The following C1orf185 variants were observed in gnomAD, a reference collection of about 807,000 sequenced individuals.
C1orf185 encodes the protein chromosome 1 open reading frame 185.
Under a neutral mutation model 16.1 loss-of-function variants are expected in C1orf185, and 13 were observed. The observed-to-expected ratio is 0.81, with a 90% CI of 0.53 to 1.28. The LOEUF (loss-of-function observed/expected upper bound fraction) is 1.28. C1orf185 is among the 50% of genes most tolerant of loss of function. The pLI is 0.00. For missense variants in C1orf185, 220 were observed against 225.2 expected, an observed-to-expected ratio of 0.98 and a Z score of 0.15; for synonymous variants, 80 against 76.9, an observed-to-expected ratio of 1.04 and a Z score of -0.21.
intron 3 of C1orf185, among the ~76,000 whole-genome samples, chr1:51,134,781 T>A (rs1000523837): frequency 6.6e-6 from 1 of 152,044 alleles, no homozygotes; most frequent in African/African-American, 2.4e-5. Context: ...GACACATACT[T>A]CCTAACACTG....
At chr1:51,118,254 A>G (rs1646171888) in intron 2 of C1orf185, among the ~76,000 whole-genome samples, 2 of 152,232 alleles carry the variant, frequency 1.3e-5, no homozygotes, top group South Asian at 4.1e-4. Context: ...ATTAAATACC[A>G]AAATTGACCA....
chr1:51,143,277 A>T (rs969567388), intron 3 of C1orf185, among the ~76,000 whole-genome samples: 1 of 152,200 alleles, frequency 6.6e-6, no homozygotes, highest in African/African-American at 2.4e-5. Context: ...GTAAATCTTA[A>T]CTAAACTGTA....
At chr1:51,141,311 C>G (rs12071547) in intron 3 of C1orf185, among the ~76,000 whole-genome samples, 21,067 of 151,996 alleles carry the variant, frequency 0.14, 2,827 homozygotes, top group African/African-American at 0.35. Context: ...GCAACACAGA[C>G]AGACCCTGTC....
intron 2 of C1orf185, among the ~76,000 whole-genome samples, chr1:51,113,103 G>A (rs1291416837): frequency 2.0e-5 from 3 of 151,932 alleles, no homozygotes; most frequent in Admixed American, 6.6e-5. Flanking sequence ...ACAGGCATGA[G>A]CCACCACACC....
In C1orf185 at chr1:51,127,154, T is replaced by C. The variant is rs191092083; in HGVS notation, c.258+8353T>C. On this transcript the variant is annotated intron_variant, in intron 3 of 4. Coordinates refer to ENST00000371759, the MANE Select transcript of C1orf185 (RefSeq NM_001136508.2). ...TTTAGATATTCCACTTAATGAACATTGACAGCTGTATATACATTCAACCAA... is the reference window on the plus strand; with the variant it reads ...TTTAGATATTCCACTTAATGAACATCGACAGCTGTATATACATTCAACCAA... Among the ~76,000 whole-genome samples, 546 of 152,322 alleles carry C rather than the reference T, an allele frequency of 3.6e-3. 1 individual carries two copies. Among genetic ancestry groups the C allele is most frequent in the Non-Finnish European group, 4.4e-3 (300 of 68,036 alleles).
chr1:51,133,430 A>C (rs1646300051), intron 3 of C1orf185, among the ~76,000 whole-genome samples: 2 of 152,246 alleles, frequency 1.3e-5, no homozygotes, highest in Non-Finnish European at 1.5e-5. Flanking sequence ...ACAGACTTCA[A>C]ACCAGCAAAG....
chr1:51,126,702 T>G (rs1204117759), intron 3 of C1orf185, among the ~76,000 whole-genome samples: 1 of 152,236 alleles, frequency 6.6e-6, no homozygotes. Flanking sequence ...TTTCCTCCAG[T>G]GCTAAAATCT....
At chr1:51,149,419 C>T (rs77334574), downstream of C1orf185, among the ~76,000 whole-genome samples, 3,285 of 152,232 alleles carry the variant, frequency 0.022, 99 homozygotes, top group African/African-American at 0.074. Context: ...TTTTACACAG[C>T]GTGCTATGGG....
intron 3 of C1orf185, among the ~76,000 whole-genome samples, chr1:51,123,995 G>A (rs1323005484): frequency 4.6e-5 from 7 of 150,786 alleles, no homozygotes; most frequent in Non-Finnish European, 8.8e-5. Flanking sequence ...GAGAGAGAGC[G>A]AGCAATAATC....
Position 51,112,468 on chromosome 1 carries a change from T to A in C1orf185, c.21T>A (p.Phe7Leu). ...TTTTGTAATTTGTTTGTATAGGTTT[T>A]TTTAATTACTTGACCTATTTTCTTG... MASPKGFFNYLTYFLAA... is the reference protein window; with the variant it reads MASPKGLFNYLTYFLAA... Residue 7 changes from phenylalanine to leucine, a missense_variant, in exon 2 of 5, where the codon TTT (phenylalanine) becomes TTA (leucine). Transcript: ENST00000371759. The A allele has an allele frequency of 6.5e-7, 1 of 1,541,780 alleles. No individual in the cohort carries two copies. The highest frequency in any genetic ancestry group is 8.7e-7 in the Non-Finnish European group (1 of 1,143,976).
chr1:51,124,211 T>C (rs987399426), intron 3 of C1orf185, among the ~76,000 whole-genome samples: 1 of 151,706 alleles, frequency 6.6e-6, no homozygotes, highest in Non-Finnish European at 1.5e-5. Flanking sequence ...CCTCCCAAGT[T>C]GCTGGGACTA....
At chr1:51,122,103 T>A (rs1237858477) in intron 3 of C1orf185, among the ~76,000 whole-genome samples, 1 of 152,188 alleles carries the variant, frequency 6.6e-6, no homozygotes, top group African/African-American at 2.4e-5. Context: ...GTAGCCATAG[T>A]TCATTGCTTT....
At chr1:51,123,960 C>A (rs1646217183) in intron 3 of C1orf185, among the ~76,000 whole-genome samples, 2 of 151,608 alleles carry the variant, frequency 1.3e-5, no homozygotes, top group African/African-American at 2.4e-5. Context: ...CACACACACA[C>A]ACACACATTA....
intron 1 of C1orf185, among the ~76,000 whole-genome samples, chr1:51,112,137 A>G (rs529289616): frequency 1.4e-5 from 2 of 147,704 alleles, no homozygotes; most frequent in African/African-American, 4.9e-5. Context: ...CGGGAGGGGA[A>G]AAAAAAAAAA....
intron 3 of C1orf185, among the ~76,000 whole-genome samples, chr1:51,128,032 C>T (rs897362259): frequency 1.4e-4 from 21 of 151,878 alleles, no homozygotes; most frequent in Admixed American, 5.2e-4. Flanking sequence ...GGACTATAGG[C>T]GCGTGCCACC....
At chr1:51,120,526 A>G (rs1419487606) in intron 3 of C1orf185, among the ~76,000 whole-genome samples, 1 of 152,212 alleles carries the variant, frequency 6.6e-6, no homozygotes, top group Non-Finnish European at 1.5e-5. Flanking sequence ...TTTTTACTGG[A>G]AGATTTTAAG....
intron 3 of C1orf185, among the ~76,000 whole-genome samples, chr1:51,124,088 T>G (rs971560125): frequency 2.0e-4 from 29 of 148,108 alleles, no homozygotes; most frequent in African/African-American, 4.2e-4. Context: ...TTTGTTTTTT[T>G]TTTTTTTTTT....
rs376636606 is a variant in C1orf185, at chr1:51,131,598, ACAT to A, written c.258+12802_258+12804del. ...AGACCAGCCTGGGCAACAAAGCAAG[ACAT>A]CATCTCTAGCAAAAAGAAAGAGAGA... On this transcript the variant is annotated intron_variant, in intron 3 of 4. Transcript: ENST00000371759. 3.6e-3 allele frequency among the ~76,000 whole-genome samples: 543 copies of A among 152,280 alleles called. 1 individual carries two copies. The highest frequency in any genetic ancestry group is 4.4e-3 in the Non-Finnish European group (299 of 68,020).
At chr1:51,125,317 T>C (rs962798607) in intron 3 of C1orf185, among the ~76,000 whole-genome samples, 1 of 152,224 alleles carries the variant, frequency 6.6e-6, no homozygotes, top group African/African-American at 2.4e-5. Context: ...ATAAGTCTGG[T>C]ATCCTCCTCT....
Sources: gnomAD v4.1 joint callset for allele counts (sites outside exome capture counted in the v4.1 genomes callset) on GRCh38, gnomAD v4.1.1 for gene constraint, MANE v1.5 for transcripts, NCBI Gene and HGNC (gene_info 2026-07-23, HGNC 2026-07-21) for gene names.